FANCA: variants seen among roughly 807,000 people sequenced by gnomAD.
FANCA encodes the protein Fanconi anemia group A protein.
Under a neutral mutation model 194.3 loss-of-function variants are expected in FANCA, and 236 were observed. That is an observed-to-expected ratio of 1.21 (90% CI 1.09 to 1.35). The LOEUF is 1.35. Among genes scored for constraint, FANCA ranks in the 40% most tolerant of loss-of-function variants. The pLI is 0.00. For synonymous variants in FANCA, 1,014 were observed against 715.8 expected, an observed-to-expected ratio of 1.42 and a Z score of -6.65; for missense variants, 2,628 against 1,813.9, an observed-to-expected ratio of 1.45 and a Z score of -8.15.
chr16:89,773,460 A>G (rs2039394092), intron 21 of FANCA, 76 bp from the exon 22 acceptor site: 3 of 1,033,956 alleles, frequency 2.9e-6, no homozygotes, highest in African/African-American at 3.2e-5. Context: ...AACTTCACAC[A>G]GTCAAATACA....
rs750839091 is a variant in FANCA, at chr16:89,739,192, C to T, written c.4108G>A (p.Ala1370Thr). Residue 1370 changes from alanine to threonine, a missense_variant, in exon 41 of 43, where the codon GCT (alanine) becomes ACT (threonine). Coordinates refer to ENST00000389301, the MANE Select transcript of FANCA (RefSeq NM_000135.4). ...GGTGAAACTGTGCTTGTATCCCCAGCCACGAAGAGCTGGACCAGCTTCAAG... is the reference window on the plus strand; with the variant it reads ...GGTGAAACTGTGCTTGTATCCCCAGTCACGAAGAGCTGGACCAGCTTCAAG... ...MYLKLVQLFV[A>T]GDTSTVSPPA... The T allele has an allele frequency of 6.2e-7, 1 of 1,614,164 alleles. No individual in the cohort carries two copies. Among genetic ancestry groups the T allele is most frequent in the Non-Finnish European group, 8.5e-7 (1 of 1,180,046 alleles).
intron 6 of FANCA, among the ~76,000 whole-genome samples, chr16:89,806,203 G>A (rs893295931): frequency 2.0e-5 from 3 of 152,030 alleles, no homozygotes; most frequent in Non-Finnish European, 2.9e-5. Flanking sequence ...GTGAGCCACC[G>A]CACCTGGCCT....
chr16:89,785,284 A>T (rs912301769), intron 14 of FANCA, among the ~76,000 whole-genome samples: 1 of 152,270 alleles, frequency 6.6e-6, no homozygotes, highest in African/African-American at 2.4e-5. Flanking sequence ...GTTAAAAATC[A>T]TTAGCTATAA....
At chr16:89,806,839 T>C (rs942664279) in intron 6 of FANCA, among the ~76,000 whole-genome samples, 1 of 152,190 alleles carries the variant, frequency 6.6e-6, no homozygotes, top group Non-Finnish European at 1.5e-5. Context: ...ATTGTCATCA[T>C]GGCCCGTTCT....
At chr16:89,813,806 CTGTGTG>C (rs71137678) in intron 3 of FANCA, among the ~76,000 whole-genome samples, 127 of 149,546 alleles carry the variant, frequency 8.5e-4, no homozygotes, top group African/African-American at 2.3e-3. Context: ...AAGTCTTTTA[CTGTGTG>C]TGTGTGTGTG....
chr16:89,761,869 C>T, intron 29 of FANCA, 80 bp downstream of exon 29: 1 of 1,135,976 alleles, frequency 8.8e-7, no homozygotes, highest in African/African-American at 1.5e-5. Context: ...CAAGAGATCT[C>T]CTGCCTCAGC....
rs752140435 is a variant in FANCA, at chr16:89,779,853, C to T, written c.1715+16G>A. 42 of 1,611,722 alleles carry T rather than the reference C, an allele frequency of 2.6e-5. No individual in the cohort carries two copies. The highest frequency in any genetic ancestry group is 1.9e-4 in the Middle Eastern group (1 of 5,276). On this transcript the variant is annotated intron_variant, in intron 18 of 42. Coordinates refer to ENST00000389301, the MANE Select transcript of FANCA (RefSeq NM_000135.4). ...ACACTGCAGCTGCTAGAGGCCTTTTCGGCAGCCCAGCCTACCTGGCCTCCA... is the reference window on the plus strand; with the variant it reads ...ACACTGCAGCTGCTAGAGGCCTTTTTGGCAGCCCAGCCTACCTGGCCTCCA...
intron 38 of FANCA, chr16:89,740,310 G>A: frequency 3.4e-6 from 2 of 589,984 alleles, no homozygotes; most frequent in South Asian, 3.8e-5. Context: ...CCCACACCAA[G>A]GCTGCTGCAC....
chr16:89,759,894 A>G, intron 29 of FANCA, among the ~76,000 whole-genome samples: 1 of 151,822 alleles, frequency 6.6e-6, no homozygotes, highest in Non-Finnish European at 1.5e-5. Context: ...CTCTCCTCAC[A>G]CTGTCCGGGA....
chr16:89,775,674 C>T, intron 21 of FANCA, 68 bp downstream of exon 21: 1 of 1,323,588 alleles, frequency 7.6e-7, no homozygotes, highest in Non-Finnish European at 1.1e-6. Flanking sequence ...TGTAGCACAA[C>T]AGACACTCAA....
chr16:89,751,762 A>T (rs1004111597), intron 31 of FANCA, among the ~76,000 whole-genome samples: 9 of 150,900 alleles, frequency 6.0e-5, no homozygotes, highest in African/African-American at 2.2e-4. Flanking sequence ...TGAGCCAACA[A>T]TAAATATCTT....
rs190337744 is a variant in FANCA at position 89,771,246 on chromosome 16, C to G, written c.2151+432G>C. On this transcript the variant is annotated intron_variant, in intron 23 of 42. Transcript: ENST00000389301. ...GGCTGAGGCAGACAGATCACTTGAC[C>G]TCAGGACTTCTAGACCAGTCGAGGC... Among the ~76,000 whole-genome samples the G allele has an allele frequency of 2.1e-3, 323 of 151,754 alleles. 1 individual carries two copies. The highest frequency in any genetic ancestry group is 7.5e-3 in the African/African-American group (308 of 41,282).
chr16:89,797,239 G>A (rs960675190), intron 10 of FANCA, among the ~76,000 whole-genome samples: 4 of 152,260 alleles, frequency 2.6e-5, no homozygotes, highest in Non-Finnish European at 5.9e-5. Context: ...GCTGAGGCAG[G>A]AGAATCGCTT....
At chr16:89,785,889 C>G (rs1371762709) in intron 14 of FANCA, among the ~76,000 whole-genome samples, 1 of 127,162 alleles carries the variant, frequency 7.9e-6, no homozygotes. Context: ...GAGTCTTGCT[C>G]TGTCACCCAG....
At chr16:89,761,776 G>A (rs879093498) in intron 29 of FANCA, among the ~76,000 whole-genome samples, 173 bp downstream of exon 29, 2 of 152,106 alleles carry the variant, frequency 1.3e-5, no homozygotes, top group African/African-American at 2.4e-5. Flanking sequence ...GGAACGTGCC[G>A]CATGTCCGGC....
rs143451067 is a variant in FANCA, at chr16:89,779,901, C to A, written c.1683G>T (p.Thr561=). 1 of 1,614,046 alleles carries A rather than the reference C, an allele frequency of 6.2e-7. No individual in the cohort carries two copies. The highest frequency in any genetic ancestry group is 8.5e-7 in the Non-Finnish European group (1 of 1,180,044). Residue 561 remains threonine (T), a synonymous_variant, in exon 18 of 43, where the codon ACG becomes ACT. Transcript: ENST00000389301. Reference sequence around the variant, plus strand: ...CCATGACGGTGACTGGGATGTTCCCCGTATGCTCAAACACCATGATGGCCT... The same window carrying A: ...CCATGACGGTGACTGGGATGTTCCCAGTATGCTCAAACACCATGATGGCCT... The part of the protein sequence containing the change: ...VEKAIMVFEH[T]GNIPVTVMEA...
chr16:89,798,959 C>A (rs544878268), intron 10 of FANCA: 1 of 1,612,424 alleles, frequency 6.2e-7, no homozygotes, highest in South Asian at 1.1e-5. Context: ...ACCTTCCGAC[C>A]TCATCCTCAC....
At chr16:89,753,064 C>T (rs1450526306) in intron 30 of FANCA, among the ~76,000 whole-genome samples, 1 of 152,238 alleles carries the variant, frequency 6.6e-6, no homozygotes, top group Admixed American at 6.5e-5. Flanking sequence ...CCTGGCTCTG[C>T]CTTCCAGATA....
At chr16:89,814,091 G>A (rs907700374) in intron 3 of FANCA, among the ~76,000 whole-genome samples, 3 of 152,142 alleles carry the variant, frequency 2.0e-5, no homozygotes, top group East Asian at 3.8e-4. Flanking sequence ...AGGACGTGAA[G>A]GATCAGAAAA....
Sources: gnomAD v4.1 joint callset for allele counts (sites outside exome capture counted in the v4.1 genomes callset) on GRCh38, gnomAD v4.1.1 for gene constraint, MANE v1.5 for transcripts, NCBI Gene and HGNC (gene_info 2026-07-23, HGNC 2026-07-21) for gene names.